NBEA: variants seen among roughly 807,000 people sequenced by gnomAD.
The protein encoded by NBEA is neurobeachin, also known as lysosomal-trafficking regulator 2.
In NBEA, 44 loss-of-function variants were observed where a neutral mutation model predicts 343.4. The observed-to-expected ratio is 0.13, with a 90% CI of 0.10 to 0.16. The LOEUF (loss-of-function observed/expected upper bound fraction) is 0.16, where lower values mean the gene tolerates loss of function less well. Ranked by LOEUF, NBEA falls within the 10% of genes least tolerant of loss-of-function variation. The probability of loss-of-function intolerance (pLI) is 1.00; values close to 1 mark genes in which losing one functional copy is unlikely to be tolerated. For missense variants in NBEA, 2,555 were observed against 3,631.3 expected (o/e 0.70, Z 7.62); for synonymous variants, 1,175 against 1,238.7 (o/e 0.95, Z 1.08).
At chr13:35,409,591 AT>A (rs1466447220) in intron 38 of NBEA, among the ~76,000 whole-genome samples, 4 of 152,126 alleles carry the variant, frequency 2.6e-5, no homozygotes, top group Non-Finnish European at 5.9e-5. Flanking sequence ...TAGATGTTTT[AT>A]TTTTCATATT....
chr13:35,589,954 G>T (rs2081457424), intron 46 of NBEA, among the ~76,000 whole-genome samples: 1 of 152,034 alleles, frequency 6.6e-6, no homozygotes, highest in African/African-American at 2.4e-5. Flanking sequence ...ACGAGTTCCA[G>T]AATTGTAATT....
chr13:35,535,133 C>T (rs901811782), intron 41 of NBEA, among the ~76,000 whole-genome samples: 1 of 152,124 alleles, frequency 6.6e-6, no homozygotes, highest in Admixed American at 6.5e-5. Flanking sequence ...GAAAGGTACT[C>T]ATTTGCCAGC....
intron 34 of NBEA, among the ~76,000 whole-genome samples, chr13:35,287,530 C>T (rs939876154): frequency 2.0e-5 from 3 of 152,018 alleles, no homozygotes; most frequent in African/African-American, 7.2e-5. Context: ...TCTATTCATC[C>T]ATCCCCCAAG....
At chr13:34,983,809 A>G (rs1375113523) in intron 1 of NBEA, among the ~76,000 whole-genome samples, 4 of 152,326 alleles carry the variant, frequency 2.6e-5, no homozygotes, top group Admixed American at 1.3e-4. Context: ...TGTTGGCTGC[A>G]TAAATGTCTT....
chr13:34,960,543 T>C (rs1174275503), intron 1 of NBEA, among the ~76,000 whole-genome samples: 1 of 152,098 alleles, frequency 6.6e-6, no homozygotes, highest in African/African-American at 2.4e-5. Flanking sequence ...CTTCCAGTCT[T>C]GGAAGCTCCA....
At chr13:35,001,661 A>G (rs1006109368) in intron 1 of NBEA, among the ~76,000 whole-genome samples, 1 of 152,112 alleles carries the variant, frequency 6.6e-6, no homozygotes, top group African/African-American at 2.4e-5. Flanking sequence ...CAGTTCCTGG[A>G]GGCTGGGAAA....
intron 41 of NBEA, among the ~76,000 whole-genome samples, chr13:35,548,197 A>T (rs1170886403): frequency 1.3e-5 from 2 of 152,192 alleles, no homozygotes; most frequent in African/African-American, 4.8e-5. Context: ...GTTTTCACAG[A>T]GCAAGCAATT....
intron 10 of NBEA, among the ~76,000 whole-genome samples, chr13:35,089,750 G>T (rs1192272943): frequency 7.4e-5 from 11 of 148,372 alleles, no homozygotes; most frequent in Non-Finnish European, 1.6e-4. Context: ...ATGAGTTCAT[G>T]TCCTTTGTAG....
chr13:35,472,661 A>T, intron 41 of NBEA, 125 bp downstream of exon 41: 1 of 875,354 alleles, frequency 1.1e-6, no homozygotes, highest in African/African-American at 1.7e-5. Flanking sequence ...ATAGAAAATA[A>T]AATGAATGAA....
intron 1 of NBEA, among the ~76,000 whole-genome samples, chr13:34,995,690 A>G (rs1260356919): frequency 6.6e-6 from 1 of 152,196 alleles, no homozygotes; most frequent in Non-Finnish European, 1.5e-5. Context: ...CAGTTGACTG[A>G]AGCTCAGATG....
intron 41 of NBEA, among the ~76,000 whole-genome samples, chr13:35,548,866 A>T (rs2079183101): frequency 6.6e-6 from 1 of 152,184 alleles, no homozygotes; most frequent in African/African-American, 2.4e-5. Flanking sequence ...GAAGTTTTGC[A>T]TTTAGAAATC....
intron 34 of NBEA, among the ~76,000 whole-genome samples, chr13:35,280,649 C>G (rs954054687): frequency 6.6e-6 from 1 of 152,058 alleles, no homozygotes; most frequent in African/African-American, 2.4e-5. Context: ...TCAGGCTTCT[C>G]CAGCAGATGG....
At chr13:35,241,002 G>A (rs1030418771) in intron 34 of NBEA, among the ~76,000 whole-genome samples, 2 of 151,532 alleles carry the variant, frequency 1.3e-5, no homozygotes, top group African/African-American at 4.8e-5. Context: ...CTAAATAATG[G>A]TGAACTATAT....
At chr13:34,975,391 G>A (rs1593331664) in intron 1 of NBEA, among the ~76,000 whole-genome samples, 1 of 152,158 alleles carries the variant, frequency 6.6e-6, no homozygotes, top group Admixed American at 6.5e-5. Flanking sequence ...ATGGTGCTGG[G>A]ATAATTGACA....
At chr13:35,555,822 A>G (rs928857628) in intron 44 of NBEA, among the ~76,000 whole-genome samples, 6 of 152,098 alleles carry the variant, frequency 3.9e-5, no homozygotes, top group African/African-American at 1.4e-4. Flanking sequence ...CCACATAAAT[A>G]AAGGTGCTTA....
intron 29 of NBEA, among the ~76,000 whole-genome samples, chr13:35,183,722 A>C (rs1300721590): frequency 6.6e-6 from 1 of 152,052 alleles, no homozygotes; most frequent in Non-Finnish European, 1.5e-5. Flanking sequence ...AAAAAGTAAT[A>C]GTATAGTGAA....
intron 44 of NBEA, among the ~76,000 whole-genome samples, chr13:35,562,759 G>A (rs1423765149): frequency 6.6e-6 from 1 of 152,026 alleles, no homozygotes; most frequent in Non-Finnish European, 1.5e-5. Context: ...AAAGTGTGAA[G>A]AAGCAGACAA....
At chr13:35,487,408 T>C (rs779571214) in intron 41 of NBEA, among the ~76,000 whole-genome samples, 2 of 151,970 alleles carry the variant, frequency 1.3e-5, no homozygotes, top group South Asian at 2.1e-4. Context: ...AAATGTGTCA[T>C]GCAGTTAGTA....
chr13:34,998,686 T>A (rs2061020753), intron 1 of NBEA, among the ~76,000 whole-genome samples: 1 of 152,200 alleles, frequency 6.6e-6, no homozygotes, highest in Non-Finnish European at 1.5e-5. Context: ...TAAGGTTATC[T>A]CTCTTTTTTC....
Sources: allele counts gnomAD v4.1 joint callset (sites outside exome capture counted in the v4.1 genomes callset), GRCh38; gene constraint gnomAD v4.1.1; transcripts MANE v1.5; gene names NCBI Gene and HGNC (gene_info 2026-07-23, HGNC 2026-07-21).